Variants in DRD4 observed in about 807,000 individuals in gnomAD.
DRD4 encodes D(4) dopamine receptor.
Under a neutral mutation model 22.1 loss-of-function variants are expected in DRD4, and 26 were observed. The ratio of observed to expected loss-of-function variants is 1.17; its 90% CI spans 0.86 to 1.63. DRD4 has a LOEUF of 1.63. DRD4 is among the 40% of genes most tolerant of loss of function. The pLI is 0.00. For missense variants in DRD4, 913 were observed against 632.4 expected (o/e 1.44, Z -4.76); for synonymous variants, 455 against 306.7 (o/e 1.48, Z -5.05).
In DRD4 at chr11:640,621, G is replaced by GC. The variant is rs757701471; in HGVS notation, c.*24dup. 3.3e-5 allele frequency: 53 copies of GC among 1,598,662 alleles called. No individual in the cohort carries two copies. The African/African-American group carries it at 4.5e-4, about 14-fold the overall frequency. ...GCTGCTGAGCCGGGCACCCCCGGAC[G>GC]CCCCCCGGCCTGATGGCCAGGCCTC... On this transcript the variant is annotated 3_prime_UTR_variant, in exon 4 of 4. Transcript: ENST00000176183.
Position 640,385 on chromosome 11 carries a change from C to T in DRD4, c.1058-16C>T, listed in dbSNP as rs1243209756. 2.5e-6 allele frequency: 4 copies of T among 1,595,478 alleles called. No individual in the cohort carries two copies. Among genetic ancestry groups the T allele is most frequent in the South Asian group, 1.1e-5 (1 of 90,840 alleles). On this transcript the variant is annotated splice_polypyrimidine_tract_variant and intron_variant, in intron 3 of 3. Coordinates refer to ENST00000176183, the MANE Select transcript of DRD4 (RefSeq NM_000797.4). ...GGCTGGGCGGGGGGCGCTAACGCGG[C>T]TCTCGGCGCCCCCAGGGGCCTTCCT... is the stretch of plus-strand genomic sequence containing the variant.
rs906330178 is a variant in DRD4 at position 639,833 on chromosome 11, A to C, written c.584A>C (p.Tyr195Ser). The C allele has an allele frequency of 1.9e-6, 3 of 1,585,136 alleles. No individual in the cohort carries two copies. Among genetic ancestry groups the C allele is most frequent in the African/African-American group, 2.7e-5 (2 of 73,494 alleles). Reference sequence around the variant, plus strand: ...CTGGAGGACCGCGACTACGTGGTCTACTCGTCCGTGTGCTCCTTCTTCCTA... The same window carrying C: ...CTGGAGGACCGCGACTACGTGGTCTCCTCGTCCGTGTGCTCCTTCTTCCTA... ...CRLEDRDYVVYSSVCSFFLPC... is the reference protein window; with the variant it reads ...CRLEDRDYVVSSSVCSFFLPC... The change falls in exon 3 of 4, where the codon TAC becomes TCC. Residue 195 changes from tyrosine (Y) to serine (S), a missense_variant. Physicochemically the swap from Tyr to Ser is moderately radical, Grantham distance 144 (BLOSUM62 -2). Transcript: ENST00000176183.
Position 640,624 on chromosome 11 carries a change from C to T in DRD4, c.*21C>T. ...GCTGAGCCGGGCACCCCCGGACGCC[C>T]CCCGGCCTGATGGCCAGGCCTCAGG... On this transcript the variant is annotated 3_prime_UTR_variant, in exon 4 of 4. Coordinates refer to ENST00000176183, the MANE Select transcript of DRD4 (RefSeq NM_000797.4). 1 of 1,598,848 alleles carries T rather than the reference C, an allele frequency of 6.3e-7. No individual in the cohort carries two copies.
Position 639,507 on chromosome 11 carries a change from C to G in DRD4, c.360C>G (p.Thr120=). The change falls in exon 2 of 4, where the codon ACC becomes ACG. Residue 120 remains threonine, a synonymous_variant. Coordinates refer to ENST00000176183, the MANE Select transcript of DRD4 (RefSeq NM_000797.4). ...TGGCCATGGACGTCATGCTGTGCAC[C>G]GCCTCCATCTTCAACCTGTGCGCCA... ...ALMAMDVMLC[T]ASIFNLCAIS... The G allele has an allele frequency of 1.9e-6, 3 of 1,603,026 alleles. No individual in the cohort carries two copies. The highest frequency in any genetic ancestry group is 1.1e-5 in the South Asian group (1 of 90,776).
Position 637,466 on chromosome 11 carries a change from C to A in DRD4, c.162C>A (p.Leu54=), listed in dbSNP as rs535238096. ...LIGAVLAGNS[L]VCVSVATERA... ...GCGCGGTGCTCGCGGGGAACTCGCT[C>A]GTGTGCGTGAGCGTGGCCACCGAGC... Residue 54 remains leucine, a synonymous_variant, in exon 1 of 4, where the codon CTC becomes CTA. Transcript: ENST00000176183. 2 of 1,537,506 alleles carry A rather than the reference C, an allele frequency of 1.3e-6. No homozygotes were observed. Among genetic ancestry groups the A allele is most frequent in the African/African-American group, 1.4e-5 (1 of 73,226 alleles).
chr11:637,321 C>T lies in DRD4; in HGVS notation c.17C>T (p.Thr6Ile), dbSNP rs1799989297. The stretch of plus-strand genomic sequence containing the variant: ...GGGCGCGCCATGGGGAACCGCAGCA[C>T]CGCGGACGCGGACGGGCTGCTGGCT... MGNRS[T>I]ADADGLLAGR... Residue 6 changes from threonine (T) to isoleucine (I), a missense_variant, in exon 1 of 4, where the codon ACC becomes ATC. Physicochemically the swap from Thr to Ile is moderately conservative, Grantham distance 89. Coordinates refer to ENST00000176183, the MANE Select transcript of DRD4 (RefSeq NM_000797.4). The T allele has an allele frequency of 1.4e-5, 17 of 1,250,336 alleles. No individual in the cohort carries two copies. The South Asian group carries it at 4.5e-4, about 33-fold the overall frequency. The allele number at this position is 1,250,336 out of a possible 1,614,324, so 77.5% of individuals were successfully genotyped here. A position where few individuals can be genotyped will look rare whatever the true frequency, so the allele number is the denominator to read the frequency against.
Position 640,685 on chromosome 11 carries a change from A to T in DRD4, c.*82A>T. ...ATGGGGAGGGCGCTTTTGTACGTTA[A>T]TTAAACAAATTCCTTCCCAAACTCA... On this transcript the variant is annotated 3_prime_UTR_variant, in exon 4 of 4. Coordinates refer to ENST00000176183, the MANE Select transcript of DRD4 (RefSeq NM_000797.4). The T allele has an allele frequency of 6.7e-7, 1 of 1,496,358 alleles. No homozygotes were observed. The allele number at this position is 1,496,358 out of a possible 1,614,324, so 92.7% of individuals were successfully genotyped here. A position where few individuals can be genotyped will look rare whatever the true frequency, so the allele number is the denominator to read the frequency against.
chr11:639,314 G>A (rs530667609), intron 1 of DRD4, 119 bp from the exon 2 acceptor site: 2 of 943,462 alleles, frequency 2.1e-6, no homozygotes, highest in Non-Finnish European at 3.2e-6. Flanking sequence ...TCTGGCCTCT[G>A]GCTCACAGCC....
chr11:637,466 C>G lies in DRD4; in HGVS notation c.162C>G (p.Leu54=). ...GCGCGGTGCTCGCGGGGAACTCGCT[C>G]GTGTGCGTGAGCGTGGCCACCGAGC... The part of the protein sequence containing the change: ...LIGAVLAGNS[L]VCVSVATERA... The change falls in exon 1 of 4, where the codon CTC becomes CTG. Residue 54 remains leucine, a synonymous_variant. Coordinates refer to ENST00000176183, the MANE Select transcript of DRD4 (RefSeq NM_000797.4). 6.5e-7 allele frequency: 1 copy of G among 1,537,506 alleles called. No homozygotes were observed. Among genetic ancestry groups the G allele is most frequent in the East Asian group, 2.4e-5 (1 of 41,080 alleles).
At chr11:637,716 G>C (rs907941977) in intron 1 of DRD4, 127 bp downstream of exon 1, 45 of 1,497,984 alleles carry the variant, frequency 3.0e-5, no homozygotes, top group Non-Finnish European at 3.8e-5. Flanking sequence ...CGGCGGCAGG[G>C]GCGCTGCGCC....
chr11:640,681 G>A lies in DRD4; in HGVS notation c.*78G>A. 4 of 1,521,778 alleles carry A rather than the reference G, an allele frequency of 2.6e-6. No individual in the cohort carries two copies. The highest frequency in any genetic ancestry group is 3.6e-6 in the Non-Finnish European group (4 of 1,116,698). The allele number at this position is 1,521,778 out of a possible 1,614,324, so 94.3% of individuals were successfully genotyped here. ...GGAGATGGGGAGGGCGCTTTTGTAC[G>A]TTAATTAAACAAATTCCTTCCCAAA... On this transcript the variant is annotated 3_prime_UTR_variant, in exon 4 of 4. Coordinates refer to ENST00000176183, the MANE Select transcript of DRD4 (RefSeq NM_000797.4).
intron 1 of DRD4, among the ~76,000 whole-genome samples, chr11:638,255 AAAG>A (rs907574744): frequency 2.0e-4 from 30 of 152,142 alleles, no homozygotes; most frequent in Admixed American, 6.5e-4. Flanking sequence ...CGGCCAGAGA[AAAG>A]CAGCTTAGGG....
At chr11:640,348 G>GT (rs781541553) in intron 3 of DRD4, 42 bp downstream of exon 3, 2 of 1,532,690 alleles carry the variant, frequency 1.3e-6, no homozygotes, top group Admixed American at 1.8e-5. Context: ...AGGAGGGGGG[G>GT]GGTACGAGGC....
At chr11:639,082 T>C (rs573307744) in intron 1 of DRD4, 3 of 289,080 alleles carry the variant, frequency 1.0e-5, no homozygotes, top group Non-Finnish European at 2.0e-5. Context: ...AAACTCCGTC[T>C]CAAAAAACAA....
rs145777890 is a variant in DRD4 at position 639,866 on chromosome 11, C to A, written c.617C>A (p.Pro206Gln). 3 of 1,584,318 alleles carry A rather than the reference C, an allele frequency of 1.9e-6. No homozygotes were observed. The African/African-American group carries it at 4.1e-5, about 22-fold the overall frequency. The change falls in exon 3 of 4, where the codon CCG (proline) becomes CAG (glutamine). Residue 206 changes from proline (P) to glutamine (Q), a missense_variant. Coordinates refer to ENST00000176183, the MANE Select transcript of DRD4 (RefSeq NM_000797.4). ...GTGTGCTCCTTCTTCCTACCCTGCC[C>A]GCTCATGCTGCTGCTCTACTGGGCC... is the stretch of plus-strand genomic sequence containing the variant. Reference protein sequence around the residue: ...SSVCSFFLPCPLMLLLYWATF... With the variant: ...SSVCSFFLPCQLMLLLYWATF...
chr11:640,287 G>A lies in DRD4; in HGVS notation c.1038G>A (p.Arg346=). 2.6e-6 allele frequency: 4 copies of A among 1,535,800 alleles called. No individual in the cohort carries two copies. Among genetic ancestry groups the A allele is most frequent in the Non-Finnish European group, 2.6e-6 (3 of 1,147,792 alleles). The part of the protein sequence containing the change: ...KITGRERKAM[R]VLPVVVGAFL... Reference sequence around the variant, plus strand: ...CCGGCCGGGAGCGCAAGGCCATGAGGGTCCTGCCGGTGGTGGTCGGTGGGT... The same window carrying A: ...CCGGCCGGGAGCGCAAGGCCATGAGAGTCCTGCCGGTGGTGGTCGGTGGGT... Residue 346 remains arginine, a synonymous_variant, in exon 3 of 4, where the codon AGG becomes AGA. Coordinates refer to ENST00000176183, the MANE Select transcript of DRD4 (RefSeq NM_000797.4).
At chr11:640,328 CGGGGAGGAGA>C in intron 3 of DRD4, 22 bp downstream of exon 3, 1 of 1,094,310 alleles carries the variant, frequency 9.1e-7, no homozygotes, top group Non-Finnish European at 1.3e-6. Flanking sequence ...TCCTGAGGGG[CGGGGAGGAGA>C]GGAGGGGGGG....
At position 639,959 on chromosome 11, in the gene DRD4, G is replaced by A. The variant is rs1003315598; in HGVS notation, c.710G>A (p.Arg237Gln). The A allele has an allele frequency of 3.1e-5, 46 of 1,487,856 alleles. No individual in the cohort carries two copies. Among genetic ancestry groups the A allele is most frequent in the African/African-American group, 4.4e-5 (3 of 68,218 alleles). The allele number at this position is 1,487,856 out of a possible 1,614,324, so 92.2% of individuals were successfully genotyped here. A position where few individuals can be genotyped will look rare whatever the true frequency, so the allele number is the denominator to read the frequency against. The change falls in exon 3 of 4, where the codon CGA becomes CAA. Residue 237 changes from arginine to glutamine, a missense_variant. Arg to Gln is a conservative substitution (Grantham distance 43). Transcript: ENST00000176183. Reference sequence around the variant, plus strand: ...AAGCTGCACGGCCGCGCGCCCCGCCGACCCAGCGGCCCTGGCCCGCCTTCC... The same window carrying A: ...AAGCTGCACGGCCGCGCGCCCCGCCAACCCAGCGGCCCTGGCCCGCCTTCC... ...RAKLHGRAPR[R>Q]PSGPGPPSPT...
At chr11:638,555 ATAATT>A (rs2133249297) in intron 1 of DRD4, among the ~76,000 whole-genome samples, 1 of 152,284 alleles carries the variant, frequency 6.6e-6, no homozygotes, top group South Asian at 2.1e-4. Flanking sequence ...ATTTTTAATT[ATAATT>A]TATCTTCAAG....
Sources: gnomAD v4.1 joint callset for allele counts (sites outside exome capture counted in the v4.1 genomes callset) on GRCh38, gnomAD v4.1.1 for gene constraint, MANE v1.5 for transcripts, NCBI Gene and HGNC (gene_info 2026-07-23, HGNC 2026-07-21) for gene names.